Variants in SVEP1 observed in about 807,000 individuals in gnomAD.
SVEP1 encodes sushi, von Willebrand factor type A, EGF and pentraxin domain containing 1.
Under a neutral mutation model 367.3 loss-of-function variants are expected in SVEP1, and 164 were observed. The ratio of observed to expected loss-of-function variants is 0.45; its 90% confidence interval spans 0.39 to 0.51. The LOEUF (loss-of-function observed/expected upper bound fraction) is 0.51, where lower values mean the gene tolerates loss of function less well. SVEP1 is among the 20% of genes least tolerant of loss of function. The pLI is 0.00. For synonymous variants in SVEP1, 1,666 were observed against 1,611.6 expected (o/e 1.03, Z -0.81); for missense variants, 4,117 against 4,425.3 (o/e 0.93, Z 1.98).
At chr9:110,386,831 T>TCTA (rs1411581385) in intron 42 of SVEP1, among the ~76,000 whole-genome samples, 1 of 152,272 alleles carries the variant, frequency 6.6e-6, no homozygotes, top group African/African-American at 2.4e-5. Flanking sequence ...AGTCTCAACT[T>TCTA]CTACGTTGCT....
At chr9:110,392,775 G>T (rs890087039) in intron 40 of SVEP1, among the ~76,000 whole-genome samples, 1 of 152,086 alleles carries the variant, frequency 6.6e-6, no homozygotes, top group Non-Finnish European at 1.5e-5. Flanking sequence ...TGTCATTTAT[G>T]ACCTATTTGA....
chr9:110,394,139 G>T (rs34279877), intron 40 of SVEP1, among the ~76,000 whole-genome samples: 18,145 of 151,802 alleles, frequency 0.12, 1,172 homozygotes, highest in African/African-American at 0.13. Context: ...CACATGGCCG[G>T]GTATTCCTCT....
chr9:110,545,922 T>C (rs1468653911), intron 3 of SVEP1, among the ~76,000 whole-genome samples, 193 bp downstream of exon 3: 3 of 152,160 alleles, frequency 2.0e-5, no homozygotes, highest in African/African-American at 7.2e-5. Context: ...CCAGCTGAGA[T>C]CAGCCAGCAG....
At chr9:110,425,512 T>C (rs905594499) in intron 36 of SVEP1, among the ~76,000 whole-genome samples, 1 of 152,206 alleles carries the variant, frequency 6.6e-6, no homozygotes, top group African/African-American at 2.4e-5. Context: ...AACACCTTCA[T>C]GTCTTAGCTA....
At chr9:110,459,306 T>A (rs778504871) in intron 18 of SVEP1, among the ~76,000 whole-genome samples, 193 bp from the exon 19 acceptor site, 6 of 152,192 alleles carry the variant, frequency 3.9e-5, no homozygotes, top group Non-Finnish European at 8.8e-5. Flanking sequence ...TAGTAACACA[T>A]GTTAACTTAA....
intron 1 of SVEP1, among the ~76,000 whole-genome samples, chr9:110,559,611 C>T (rs1275969540): frequency 6.6e-6 from 1 of 151,792 alleles, no homozygotes; most frequent in African/African-American, 2.4e-5. Flanking sequence ...GTTGGGAATA[C>T]CACCTGTCCT....
intron 27 of SVEP1, among the ~76,000 whole-genome samples, chr9:110,440,982 G>A (rs981307018): frequency 5.3e-5 from 8 of 152,140 alleles, no homozygotes; most frequent in African/African-American, 1.4e-4. Context: ...TAACTCGTCC[G>A]GAATTCTCTG....
rs756648631 is a variant in SVEP1 at position 110,407,366 on chromosome 9, G to T, written c.8234C>A (p.Pro2745His). The T allele has an allele frequency of 1.9e-5, 30 of 1,613,992 alleles. No individual in the cohort carries two copies. Among genetic ancestry groups the T allele is most frequent in the Non-Finnish European group, 2.5e-5 (30 of 1,179,894 alleles). ...MGSAVQYSCKPGHILAGSDLR... is the reference protein window; with the variant it reads ...MGSAVQYSCKHGHILAGSDLR... ...GTCAGAGCCTGCTAGAATGTGTCCA[G>T]GTTTACAGCTATACTGCACAGCACT... Residue 2745 changes from proline to histidine, a missense_variant, in exon 38 of 48, where the codon CCT (proline) becomes CAT (histidine). By Grantham distance (77) the Pro-to-His change is moderately conservative. Coordinates refer to ENST00000374469, the MANE Select transcript of SVEP1 (RefSeq NM_153366.4).
intron 27 of SVEP1, among the ~76,000 whole-genome samples, chr9:110,440,791 T>C (rs1828500366): frequency 6.6e-6 from 1 of 152,146 alleles, no homozygotes; most frequent in African/African-American, 2.4e-5. Flanking sequence ...TCCATCCACA[T>C]CCCCTGAGGT....
In SVEP1 at chr9:110,499,228, A is replaced by G. The variant is rs1197490419; in HGVS notation, c.1494T>C (p.Cys498=). Residue 498 remains cysteine, a synonymous_variant, in exon 7 of 48, where the codon TGT becomes TGC. Coordinates refer to ENST00000374469, the MANE Select transcript of SVEP1 (RefSeq NM_153366.4). Reference sequence around the variant, plus strand: ...CATCTTTGGGCATCTGAAAGGTGGAACAGTGGCGCTCTACGGTAGGGAAAC... The same window carrying G: ...CATCTTTGGGCATCTGAAAGGTGGAGCAGTGGCGCTCTACGGTAGGGAAAC... ...GPEPRCVERH[C]STFQMPKDVI... is the part of the protein sequence containing the mutation. The G allele has an allele frequency of 6.2e-7, 1 of 1,612,954 alleles. No individual in the cohort carries two copies. The highest frequency in any genetic ancestry group is 8.5e-7 in the Non-Finnish European group (1 of 1,179,298).
In SVEP1 at chr9:110,406,292, A is replaced by C; in HGVS notation, c.9308T>G (p.Ile3103Ser). 1 of 1,614,036 alleles carries C rather than the reference A, an allele frequency of 6.2e-7. No homozygotes were observed. Among genetic ancestry groups the C allele is most frequent in the Admixed American group, 1.7e-5 (1 of 60,028 alleles). The change falls in exon 38 of 48, where the codon ATT becomes AGT. Residue 3103 changes from isoleucine to serine, a missense_variant. Ile to Ser is a moderately radical substitution (Grantham distance 142, BLOSUM62 -2). Transcript: ENST00000374469. The stretch of plus-strand genomic sequence containing the variant: ...GCTCCATACCCCTTTCTCTGTACAA[A>C]TCAGATCTGAACTGCCTTGTATGAC... ...GYVIQGSSDLICTEKGVWSQP... is the reference protein window; with the variant it reads ...GYVIQGSSDLSCTEKGVWSQP...
At chr9:110,441,888 G>C (rs565119153) in intron 27 of SVEP1, among the ~76,000 whole-genome samples, 1 of 152,246 alleles carries the variant, frequency 6.6e-6, no homozygotes, top group South Asian at 2.1e-4. Flanking sequence ...AAATGCTTCA[G>C]TAACTCCCTA....
intron 3 of SVEP1, among the ~76,000 whole-genome samples, chr9:110,545,095 T>G (rs887274116): frequency 1.3e-5 from 2 of 152,216 alleles, no homozygotes; most frequent in African/African-American, 4.8e-5. Context: ...TGATAGGATT[T>G]CATTCTTTTT....
intron 24 of SVEP1, among the ~76,000 whole-genome samples, chr9:110,449,182 G>GT (rs1367191658): frequency 6.6e-6 from 1 of 152,112 alleles, no homozygotes; most frequent in Non-Finnish European, 1.5e-5. Flanking sequence ...GGAGAGGGTT[G>GT]TTTTTCAAAC....
intron 8 of SVEP1, among the ~76,000 whole-genome samples, chr9:110,493,462 G>A (rs957951996): frequency 2.5e-4 from 38 of 152,034 alleles, no homozygotes; most frequent in Non-Finnish European, 5.0e-4. Context: ...GGCCAGGCAC[G>A]GTTGGCTCAT....
intron 29 of SVEP1, 70 bp downstream of exon 29, chr9:110,435,171 G>T: frequency 6.4e-7 from 1 of 1,561,752 alleles, no homozygotes. Context: ...ATTCTGAACT[G>T]TCTTCTTTTG....
chr9:110,451,264 C>T (rs1473285755), intron 23 of SVEP1, 25 bp downstream of exon 23: 4 of 1,572,702 alleles, frequency 2.5e-6, no homozygotes, highest in Non-Finnish European at 3.5e-6. Flanking sequence ...TTTAAGACAA[C>T]ATAGGAAGAC....
chr9:110,374,429 C>A (rs1827320000), intron 46 of SVEP1, among the ~76,000 whole-genome samples: 1 of 152,126 alleles, frequency 6.6e-6, no homozygotes, highest in South Asian at 2.1e-4. Flanking sequence ...GTGGGTGGAT[C>A]ACTTGAGGTC....
chr9:110,388,745 G>GT (rs1827566043), intron 41 of SVEP1, among the ~76,000 whole-genome samples: 1 of 152,018 alleles, frequency 6.6e-6, no homozygotes, highest in Admixed American at 6.6e-5. Context: ...GAGGAGCATG[G>GT]ATTGCTTGAA....
Sources: gnomAD v4.1 joint callset for allele counts (sites outside exome capture counted in the v4.1 genomes callset) on GRCh38, gnomAD v4.1.1 for gene constraint, MANE v1.5 for transcripts, NCBI Gene and HGNC (gene_info 2026-07-23, HGNC 2026-07-21) for gene names.